TBX15: variants seen among roughly 807,000 people sequenced by gnomAD.
TBX15 encodes the protein T-box transcription factor TBX15.
Under a neutral mutation model 53.9 loss-of-function variants are expected in TBX15, and 18 were observed. That is an observed-to-expected ratio of 0.33 (90% CI 0.23 to 0.49). The LOEUF (loss-of-function observed/expected upper bound fraction) is 0.49, where lower values mean the gene tolerates loss of function less well. TBX15 is among the 20% of genes least tolerant of loss of function. The pLI, the probability that TBX15 is intolerant of heterozygous loss-of-function variation, is 0.98. For missense variants in TBX15, 692 were observed against 749.5 expected (o/e 0.92, Z 0.90); for synonymous variants, 295 against 278.0 (o/e 1.06, Z -0.61).
chr1:118,908,625 A>G (rs1041097555), intron 6 of TBX15, among the ~76,000 whole-genome samples: 1 of 151,846 alleles, frequency 6.6e-6, no homozygotes, highest in African/African-American at 2.4e-5. Context: ...AAATAAAACA[A>G]TTTCCCTCCT....
At chr1:118,939,428 A>AAAAAAAAAAAAAAAAAAAAAAAAAAAAG (rs1656084868) in intron 1 of TBX15, among the ~76,000 whole-genome samples, 1 of 101,468 alleles carries the variant, frequency 9.9e-6, no homozygotes, top group Non-Finnish European at 2.0e-5. Flanking sequence ...AAAAAAAAAA[A>AAAAAAAAAAAAAAAAAAAAAAAAAAAAG]AAAAAAAACA....
intron 5 of TBX15, among the ~76,000 whole-genome samples, chr1:118,921,663 C>G (rs116226245): frequency 1.3e-5 from 2 of 152,200 alleles, no homozygotes; most frequent in Non-Finnish European, 2.9e-5. Flanking sequence ...GAGCAGGACA[C>G]TGCTTTTCCT....
rs183605285 is a variant in TBX15, at chr1:118,890,563, C to T, written c.1025-5047G>A. Among the ~76,000 whole-genome samples the T allele has an allele frequency of 3.3e-5, 5 of 152,200 alleles. No individual in the cohort carries two copies. The East Asian group carries it at 7.7e-4, about 24-fold the overall frequency. On this transcript the variant is annotated intron_variant, in intron 7 of 7. Transcript: ENST00000369429. ...CATTAAATTGCTCCAATATCCAAGG[C>T]TAATGGCCAAAATAACCAAAAAGGA...
intron 1 of TBX15, among the ~76,000 whole-genome samples, chr1:118,953,478 A>T (rs1293696676): frequency 6.6e-6 from 1 of 152,224 alleles, no homozygotes; most frequent in Non-Finnish European, 1.5e-5. Flanking sequence ...TCCAATTAGA[A>T]AGAAAGGTAA....
intron 6 of TBX15, among the ~76,000 whole-genome samples, chr1:118,909,403 T>C (rs977348879): frequency 2.6e-5 from 4 of 152,178 alleles, no homozygotes; most frequent in Admixed American, 2.6e-4. Context: ...CAGCTGGGAA[T>C]GTATGTTCTG....
chr1:118,937,171 T>C (rs1294588315), intron 1 of TBX15, among the ~76,000 whole-genome samples: 1 of 152,152 alleles, frequency 6.6e-6, no homozygotes, highest in African/African-American at 2.4e-5. Flanking sequence ...GAATTTCAGG[T>C]AGTGGGAATA....
At chr1:118,951,611 C>G (rs1383947544) in intron 1 of TBX15, among the ~76,000 whole-genome samples, 1 of 152,190 alleles carries the variant, frequency 6.6e-6, no homozygotes, top group Non-Finnish European at 1.5e-5. Context: ...CCACAGGTGC[C>G]TTTTTCTACT....
intron 6 of TBX15, 121 bp downstream of exon 6, chr1:118,913,992 AAG>A: frequency 2.1e-6 from 2 of 930,534 alleles, no homozygotes; most frequent in Non-Finnish European, 3.5e-6. Flanking sequence ...CTCTTTGCCG[AAG>A]TGTACACAGT....
intron 6 of TBX15, among the ~76,000 whole-genome samples, chr1:118,900,077 G>C (rs1654570141): frequency 2.0e-5 from 3 of 152,090 alleles, no homozygotes; most frequent in Admixed American, 6.5e-5. Context: ...GGCTTTGTTT[G>C]AAGCTTTGAA....
intron 6 of TBX15, among the ~76,000 whole-genome samples, chr1:118,912,624 G>GA (rs1321364454): frequency 1.3e-5 from 2 of 151,840 alleles, no homozygotes; most frequent in Non-Finnish European, 2.9e-5. Flanking sequence ...CAGAACCTTG[G>GA]AAAAAAAGGC....
At chr1:118,911,438 C>T (rs2101554899) in intron 6 of TBX15, among the ~76,000 whole-genome samples, 1 of 152,182 alleles carries the variant, frequency 6.6e-6, no homozygotes, top group South Asian at 2.1e-4. Context: ...AGAATAGAGC[C>T]CATTAGGAAG....
At chr1:118,887,825 G>A (rs1038545980) in intron 7 of TBX15, among the ~76,000 whole-genome samples, 1 of 151,748 alleles carries the variant, frequency 6.6e-6, no homozygotes, top group African/African-American at 2.4e-5. Context: ...AAAAAAAAAA[G>A]CGTTCATCTT....
chr1:118,988,509 C>T (rs1318500370), upstream of TBX15, among the ~76,000 whole-genome samples: 6 of 152,146 alleles, frequency 3.9e-5, no homozygotes, highest in Non-Finnish European at 7.3e-5. Context: ...CGACTTTAAC[C>T]CCTGGCTTCC....
Position 118,885,049 on chromosome 1 carries a change from C to T in TBX15, c.1492G>A (p.Gly498Ser), listed in dbSNP as rs1653885598. The change falls in exon 8 of 8, where the codon GGC becomes AGC. Residue 498 changes from glycine (G) to serine (S), a missense_variant. Coordinates refer to ENST00000369429, the MANE Select transcript of TBX15 (RefSeq NM_001330677.2). ...SSSSSPHMFG[G>S]SHMQQSSYNA... The stretch of plus-strand genomic sequence containing the variant: ...TAGGAGCTCTGCTGCATGTGGCTGC[C>T]CCCGAACATGTGTGGTGATGAGGAG... 3 of 1,613,968 alleles carry T rather than the reference C, an allele frequency of 1.9e-6. No individual in the cohort carries two copies. Among genetic ancestry groups the T allele is most frequent in the Non-Finnish European group, 2.5e-6 (3 of 1,180,020 alleles).
chr1:118,909,741 C>T (rs916431454), intron 6 of TBX15, among the ~76,000 whole-genome samples: 10 of 152,182 alleles, frequency 6.6e-5, no homozygotes, highest in Middle Eastern at 3.2e-3. Flanking sequence ...CGCCACCATG[C>T]CCGGCTAATT....
intron 1 of TBX15, among the ~76,000 whole-genome samples, chr1:118,941,426 A>G (rs1297114144): frequency 1.3e-5 from 2 of 152,204 alleles, no homozygotes; most frequent in Admixed American, 1.3e-4. Flanking sequence ...TGTAAGTAGG[A>G]TAAACATTTG....
At chr1:118,953,249 C>T (rs1156546115) in intron 1 of TBX15, among the ~76,000 whole-genome samples, 1 of 152,186 alleles carries the variant, frequency 6.6e-6, no homozygotes, top group Non-Finnish European at 1.5e-5. Context: ...ATTCTAAATG[C>T]TACTTTTTAT....
intron 7 of TBX15, 58 bp from the exon 8 acceptor site, chr1:118,885,574 A>G: frequency 6.5e-7 from 1 of 1,545,710 alleles, no homozygotes; most frequent in Non-Finnish European, 8.7e-7. Flanking sequence ...AGTCTGCCTA[A>G]GTCACATGCA....
intron 1 of TBX15, among the ~76,000 whole-genome samples, chr1:118,954,783 G>A (rs1490402978): frequency 1.3e-5 from 2 of 152,182 alleles, no homozygotes; most frequent in African/African-American, 2.4e-5. Context: ...CAGGTTGGGG[G>A]ATTTCCCTAA....
Sources: allele counts gnomAD v4.1 joint callset (sites outside exome capture counted in the v4.1 genomes callset), GRCh38; gene constraint gnomAD v4.1.1; transcripts MANE v1.5; gene names NCBI Gene and HGNC (gene_info 2026-07-23, HGNC 2026-07-21).